The following ESYT2 variants were observed in gnomAD, a reference collection of about 807,000 sequenced individuals.
ESYT2 encodes the protein extended synaptotagmin 2, also known as extended synaptotagmin-2.
A neutral mutation model predicts 107.2 loss-of-function variants in ESYT2; 54 were observed. The observed-to-expected ratio is 0.50, with a 90% confidence interval of 0.40 to 0.63. The LOEUF is 0.63. Among genes scored for constraint, ESYT2 ranks in the 30% least tolerant of loss-of-function variants. The pLI is 0.00. For synonymous variants in ESYT2, 491 were observed against 434.1 expected (o/e 1.13, Z -1.63); for missense variants, 1,020 against 1,094.5 (o/e 0.93, Z 0.96).
At chr7:158,765,995 C>G (rs956073540) in intron 8 of ESYT2, among the ~76,000 whole-genome samples, 1 of 151,812 alleles carries the variant, frequency 6.6e-6, no homozygotes, top group African/African-American at 2.4e-5. Flanking sequence ...GTCAGGAGAT[C>G]GAGACCATCC....
chr7:158,755,028 C>T lies in ESYT2; in HGVS notation c.1420-2185G>A, dbSNP rs75113405. 4.6e-3 allele frequency among the ~76,000 whole-genome samples: 693 copies of T among 152,232 alleles called. 42 individuals carry two copies. The East Asian group carries it at 0.12, about 26-fold the overall frequency. On this transcript the variant is annotated intron_variant, in intron 13 of 22. Transcript: ENST00000275418. ...TTCTTGTTCAAGCCTGAAATTAAAG[C>T]CCAGAATTTCATCAAAAGAAGGAGG...
At chr7:158,784,385 C>T (rs1034646039) in intron 6 of ESYT2, among the ~76,000 whole-genome samples, 2 of 152,192 alleles carry the variant, frequency 1.3e-5, no homozygotes, top group African/African-American at 4.8e-5. Flanking sequence ...CCCAGCTGGT[C>T]CAGGGGTCGG....
In ESYT2 at chr7:158,737,198, TA is replaced by T; in HGVS notation, c.2268-20del. On this transcript the variant is annotated intron_variant, in intron 19 of 22. Coordinates refer to ENST00000275418, the MANE Select transcript of ESYT2 (RefSeq NM_001367773.1). The stretch of plus-strand genomic sequence containing the variant: ...GAGGTTTCTTACAACACAAACCAGA[TA>T]AGACGAGGTATTAGGACCGAGAAAA... 6.2e-7 allele frequency: 1 copy of T among 1,611,906 alleles called. No individual in the cohort carries two copies.
At chr7:158,815,023 G>A (rs73525637) in intron 1 of ESYT2, among the ~76,000 whole-genome samples, 1 of 152,336 alleles carries the variant, frequency 6.6e-6, no homozygotes, top group African/African-American at 2.4e-5. Flanking sequence ...CATTAGCAGA[G>A]CTTGTTTCCT....
Position 158,785,426 on chromosome 7 carries a change from AAAATAAATAAATAAAT to A in ESYT2, c.747+2562_747+2577del, listed in dbSNP as rs55862703. ...GGTGACAAGAGTGAAACTCCGTCTC[AAAATAAATAAATAAAT>A]AAATAAATAAATAAATAAATAAATA... On this transcript the variant is annotated intron_variant, in intron 6 of 22. Transcript: ENST00000275418. Among the ~76,000 whole-genome samples the A allele has an allele frequency of 5.7e-3, 821 of 144,030 alleles. 6 individuals are homozygous for A. The highest frequency in any genetic ancestry group is 0.019 in the African/African-American group (734 of 38,680). 94.5% of individuals were successfully genotyped at this position (144,030 alleles called of 152,430 possible).
chr7:158,735,490 G>C lies in ESYT2; in HGVS notation c.2505+13C>G. The C allele has an allele frequency of 1.9e-6, 3 of 1,605,714 alleles. No homozygotes were observed. Among genetic ancestry groups the C allele is most frequent in the Non-Finnish European group, 2.6e-6 (3 of 1,172,514 alleles). On this transcript the variant is annotated intron_variant, in intron 21 of 22. Coordinates refer to ENST00000275418, the MANE Select transcript of ESYT2 (RefSeq NM_001367773.1). ...AACTGCAGGAACTGGTTGAGGATTC[G>C]TTTGGCACTTACTTTGCCAAGGAGC...
At chr7:158,783,729 G>A (rs935973388) in intron 6 of ESYT2, among the ~76,000 whole-genome samples, 1 of 152,250 alleles carries the variant, frequency 6.6e-6, no homozygotes, top group South Asian at 2.1e-4. Context: ...AAGTGTGGGT[G>A]AGTCAGAGAA....
chr7:158,770,106 G>A (rs1463234153), intron 7 of ESYT2, among the ~76,000 whole-genome samples: 1 of 151,844 alleles, frequency 6.6e-6, no homozygotes, highest in East Asian at 1.9e-4. Flanking sequence ...GGCTAGGTTG[G>A]TCTCAAACTC....
intron 1 of ESYT2, among the ~76,000 whole-genome samples, chr7:158,809,798 G>A (rs1338475618): frequency 6.6e-6 from 1 of 152,210 alleles, no homozygotes; most frequent in Non-Finnish European, 1.5e-5. Flanking sequence ...CCAATCACAG[G>A]CAGCCAGCTG....
chr7:158,829,104 GCAGGCGCGCACCCC>G lies in ESYT2; in HGVS notation c.301_314del (p.Gly101ArgfsTer12). 1 of 1,581,732 alleles carries G rather than the reference GCAGGCGCGCACCCC, an allele frequency of 6.3e-7. No homozygotes were observed. Among genetic ancestry groups the G allele is most frequent in the Non-Finnish European group, 8.5e-7 (1 of 1,173,118 alleles). ...CTGCACTCACCCAGGCGGGCAGGTC[GCAGGCGCGCACCCC>G]CAGGCGCACGACGCGCTCCTCGTCT... On this transcript the variant is annotated frameshift_variant, in exon 1 of 23. Transcript: ENST00000275418. LOFTEE classifies it high-confidence loss of function.
intron 6 of ESYT2, among the ~76,000 whole-genome samples, chr7:158,781,859 G>GT (rs1563649512): frequency 1.5e-5 from 2 of 129,646 alleles, no homozygotes; most frequent in South Asian, 2.6e-4. Flanking sequence ...AAAGTGAGGT[G>GT]TAAGTGTAAG....
At chr7:158,788,153 G>T in intron 5 of ESYT2, 60 bp from the exon 6 acceptor site, 2 of 1,433,664 alleles carry the variant, frequency 1.4e-6, no homozygotes, top group Non-Finnish European at 2.0e-6. Flanking sequence ...GCCGCTTAAC[G>T]CAAGGAGTTT....
Position 158,761,557 on chromosome 7 carries a change from C to T in ESYT2, c.1185-13G>A, listed in dbSNP as rs779933967. 2.5e-6 allele frequency: 4 copies of T among 1,610,370 alleles called. No individual in the cohort carries two copies. The East Asian group carries it at 8.9e-5, about 36-fold the overall frequency. On this transcript the variant is annotated splice_polypyrimidine_tract_variant and intron_variant, in intron 10 of 22. Transcript: ENST00000275418. Reference sequence around the variant, plus strand: ...GTCAATCATAAGACTATAAAAATAACAATACGACAACTTTAGAACATAGAA... The same window carrying T: ...GTCAATCATAAGACTATAAAAATAATAATACGACAACTTTAGAACATAGAA...
At chr7:158,828,400 C>A (rs1840517362) in intron 1 of ESYT2, among the ~76,000 whole-genome samples, 1 of 152,382 alleles carries the variant, frequency 6.6e-6, no homozygotes, top group South Asian at 2.1e-4. Flanking sequence ...CCGCTCAGGC[C>A]CCTAAGGAGA....
rs185463923 is a variant in ESYT2 at position 158,785,923 on chromosome 7, A to T, written c.747+2081T>A. On this transcript the variant is annotated intron_variant, in intron 6 of 22. Coordinates refer to ENST00000275418, the MANE Select transcript of ESYT2 (RefSeq NM_001367773.1). ...TCATCCAAATAGTAGAAAGAAATTT[A>T]AAAAACCCACAAAATAAAAACCTTT... 1.1e-3 allele frequency among the ~76,000 whole-genome samples: 165 copies of T among 152,358 alleles called. 1 individual carries two copies. The highest frequency in any genetic ancestry group is 7.7e-3 in the East Asian group (40 of 5,194).
At chr7:158,789,355 ATTTTCTTTTC>A (rs1489634844) in intron 4 of ESYT2, among the ~76,000 whole-genome samples, 1 of 151,708 alleles carries the variant, frequency 6.6e-6, no homozygotes, top group Non-Finnish European at 1.5e-5. Flanking sequence ...TGACTTGATC[ATTTTCTTTTC>A]TTTTTTTTTG....
intron 2 of ESYT2, 39 bp from the exon 3 acceptor site, chr7:158,798,115 T>C: frequency 1.2e-6 from 2 of 1,611,960 alleles, no homozygotes; most frequent in Non-Finnish European, 1.7e-6. Context: ...CAAAATGCTA[T>C]ATAATGCATG....
At chr7:158,770,659 C>G (rs1231748989) in intron 7 of ESYT2, among the ~76,000 whole-genome samples, 1 of 152,066 alleles carries the variant, frequency 6.6e-6, no homozygotes, top group African/African-American at 2.4e-5. Flanking sequence ...GGACTACAGG[C>G]GCCTGCCACC....
At chr7:158,828,373 T>C (rs1840516310) in intron 1 of ESYT2, among the ~76,000 whole-genome samples, 1 of 152,186 alleles carries the variant, frequency 6.6e-6, no homozygotes, top group Non-Finnish European at 1.5e-5. Context: ...CGCTGGGCGC[T>C]CTGAGAGCAG....
Sources: allele counts gnomAD v4.1 joint callset (sites outside exome capture counted in the v4.1 genomes callset), GRCh38; gene constraint gnomAD v4.1.1; transcripts MANE v1.5; gene names NCBI Gene and HGNC (gene_info 2026-07-23, HGNC 2026-07-21).